The following CALCR variants were observed in gnomAD, a reference collection of about 807,000 sequenced individuals.
CALCR encodes calcitonin receptor.
In CALCR, 47 loss-of-function variants were observed where a neutral mutation model predicts 59.5. The ratio of observed to expected loss-of-function variants is 0.79; its 90% CI spans 0.63 to 1.01. CALCR has a LOEUF of 1.01. Among genes scored for constraint, CALCR ranks in the 50% least tolerant of loss-of-function variants. CALCR has a pLI of 0.00. For synonymous variants in CALCR, 213 were observed against 211.3 expected (o/e 1.01, Z -0.07); for missense variants, 566 against 597.1 (o/e 0.95, Z 0.54).
intron 2 of CALCR, among the ~76,000 whole-genome samples, chr7:93,513,146 T>C (rs1801582732): frequency 6.6e-6 from 1 of 152,152 alleles, no homozygotes; most frequent in Non-Finnish European, 1.5e-5. Context: ...CTGACTGCTT[T>C]GCCTCTCAGT....
chr7:93,450,516 A>G (rs1381192499), intron 8 of CALCR, among the ~76,000 whole-genome samples: 4 of 151,834 alleles, frequency 2.6e-5, no homozygotes, highest in Non-Finnish European at 5.9e-5. Context: ...TATTTCCTTC[A>G]CTTTTGGGGA....
intron 7 of CALCR, chr7:93,462,013 AG>A: frequency 9.3e-7 from 1 of 1,076,842 alleles, no homozygotes; most frequent in Non-Finnish European, 1.3e-6. Flanking sequence ...AATTTTGAAA[AG>A]GAAATTCTGG....
intron 2 of CALCR, among the ~76,000 whole-genome samples, chr7:93,488,900 T>C (rs1019250208): frequency 1.7e-4 from 26 of 151,832 alleles, no homozygotes; most frequent in African/African-American, 5.3e-4. Flanking sequence ...AACTCAGCTC[T>C]GTATCAAGTG....
chr7:93,467,193 T>C (rs149204686), intron 7 of CALCR, among the ~76,000 whole-genome samples: 1 of 151,834 alleles, frequency 6.6e-6, no homozygotes, highest in African/African-American at 2.4e-5. Flanking sequence ...ATTAATCATG[T>C]TATGTGATTA....
At chr7:93,507,957 C>T (rs2116032431) in intron 2 of CALCR, among the ~76,000 whole-genome samples, 1 of 151,484 alleles carries the variant, frequency 6.6e-6, no homozygotes, top group African/African-American at 2.4e-5. Flanking sequence ...AAATTGTTCA[C>T]ATGGACCAAG....
chr7:93,435,879 A>G (rs534148129), intron 12 of CALCR, 73 bp downstream of exon 12: 1 of 596,296 alleles, frequency 1.7e-6, no homozygotes, highest in Admixed American at 2.8e-5. Flanking sequence ...ATAAAAGATC[A>G]TGGGCTTTAG....
intron 4 of CALCR, 40 bp downstream of exon 4, chr7:93,479,314 G>T: frequency 6.5e-7 from 1 of 1,532,568 alleles, no homozygotes; most frequent in Non-Finnish European, 8.8e-7. Flanking sequence ...TGTCTGTAAT[G>T]GTGTTTCAAA....
chr7:93,565,466 T>C (rs1317484311), intron 2 of CALCR, among the ~76,000 whole-genome samples: 1 of 152,248 alleles, frequency 6.6e-6, no homozygotes, highest in Admixed American at 6.5e-5. Flanking sequence ...AAGTTTCTCA[T>C]TGACCTTGTA....
chr7:93,528,975 A>G (rs1218539551), intron 2 of CALCR, among the ~76,000 whole-genome samples: 1 of 152,222 alleles, frequency 6.6e-6, no homozygotes, highest in Non-Finnish European at 1.5e-5. Flanking sequence ...TGTGCTCTAT[A>G]GCTGTAGGCA....
At chr7:93,534,116 T>C (rs1788922331) in intron 2 of CALCR, among the ~76,000 whole-genome samples, 1 of 151,844 alleles carries the variant, frequency 6.6e-6, no homozygotes, top group African/African-American at 2.4e-5. Context: ...TAAAGTTCTG[T>C]ATCCAAATAG....
At chr7:93,502,729 C>T (rs1381730868) in intron 2 of CALCR, among the ~76,000 whole-genome samples, 1 of 151,976 alleles carries the variant, frequency 6.6e-6, no homozygotes, top group Non-Finnish European at 1.5e-5. Flanking sequence ...ATTTGTTAAT[C>T]TTTGGCACAC....
chr7:93,476,166 G>A (rs1800661744), intron 5 of CALCR, among the ~76,000 whole-genome samples: 1 of 151,654 alleles, frequency 6.6e-6, no homozygotes, highest in African/African-American at 2.4e-5. Context: ...ATGGCTCTGT[G>A]CCATTAAAAT....
chr7:93,493,346 C>T (rs1801126361), intron 2 of CALCR, among the ~76,000 whole-genome samples: 2 of 151,514 alleles, frequency 1.3e-5, no homozygotes, highest in Non-Finnish European at 3.0e-5. Context: ...ATATCAGTGT[C>T]TTCCACAATT....
At chr7:93,470,412 C>T (rs1381282122) in intron 6 of CALCR, among the ~76,000 whole-genome samples, 1 of 151,720 alleles carries the variant, frequency 6.6e-6, no homozygotes, top group Non-Finnish European at 1.5e-5. Flanking sequence ...AACACTCTTG[C>T]CCCTTAATTA....
intron 2 of CALCR, among the ~76,000 whole-genome samples, chr7:93,513,167 C>G (rs1029677494): frequency 6.6e-6 from 1 of 152,116 alleles, no homozygotes; most frequent in Non-Finnish European, 1.5e-5. Context: ...GCACTTCTAG[C>G]ATGGTCTTCA....
At chr7:93,539,839 C>T (rs904040744) in intron 2 of CALCR, among the ~76,000 whole-genome samples, 9 of 152,166 alleles carry the variant, frequency 5.9e-5, no homozygotes, top group African/African-American at 1.4e-4. Context: ...AAGCAGTTCA[C>T]GCCTTTGTAT....
intron 2 of CALCR, among the ~76,000 whole-genome samples, chr7:93,504,141 C>T (rs1380074927): frequency 2.6e-5 from 4 of 152,108 alleles, no homozygotes; most frequent in African/African-American, 9.7e-5. Flanking sequence ...CAGCTTCCAA[C>T]AATATACAAA....
In CALCR at chr7:93,503,223, G is replaced by T. The variant is rs1026870237; in HGVS notation, c.-26-16216C>A. The stretch of plus-strand genomic sequence containing the variant: ...GACCAGGGCTGATGGAGCAACACTC[G>T]TCTGGAATATGCTGTTCTCAGGGCA... On this transcript the variant is annotated intron_variant, in intron 2 of 13. Coordinates refer to ENST00000426151, the MANE Select transcript of CALCR (RefSeq NM_001742.4). Among the ~76,000 whole-genome samples, 3 of 152,030 alleles carry T rather than the reference G, an allele frequency of 2.0e-5. No homozygotes were observed. The East Asian group carries it at 5.8e-4, about 29-fold the overall frequency.
chr7:93,572,868 T>G (rs573876762), intron 2 of CALCR, among the ~76,000 whole-genome samples: 70 of 152,350 alleles, frequency 4.6e-4, no homozygotes, highest in Middle Eastern at 6.8e-3. Context: ...TTACTTATTG[T>G]GTTGATGTAG....
Sources: gnomAD v4.1 joint callset for allele counts (sites outside exome capture counted in the v4.1 genomes callset) on GRCh38, gnomAD v4.1.1 for gene constraint, MANE v1.5 for transcripts, NCBI Gene and HGNC (gene_info 2026-07-23, HGNC 2026-07-21) for gene names.